The following ESR1 variants were observed in gnomAD, a reference collection of about 807,000 sequenced individuals.
ESR1 encodes estrogen receptor.
A neutral mutation model predicts 52.7 loss-of-function variants in ESR1; 12 were observed. The observed-to-expected ratio is 0.23, with a 90% CI of 0.15 to 0.37. The LOEUF is 0.37. Ranked by LOEUF, ESR1 falls within the 10% of genes least tolerant of loss-of-function variation. ESR1 has a pLI of 1.00. For missense variants in ESR1, 584 were observed against 779.7 expected, an observed-to-expected ratio of 0.75 and a Z score of 2.99; for synonymous variants, 305 against 316.8, an observed-to-expected ratio of 0.96 and a Z score of 0.39.
chr6:151,737,434 T>A (rs1426011484), intron 2 of ESR1, among the ~76,000 whole-genome samples: 2 of 152,214 alleles, frequency 1.3e-5, no homozygotes, highest in East Asian at 3.8e-4. Flanking sequence ...TCTGGCTTAT[T>A]TTTCTTTCTA....
At chr6:151,691,679 GT>G (rs1301291090) in intron 1 of ESR1, among the ~76,000 whole-genome samples, 2 of 146,048 alleles carry the variant, frequency 1.4e-5, no homozygotes, top group Non-Finnish European at 3.0e-5. Context: ...GGTTTTGAAT[GT>G]GGTATATACA....
upstream of ESR1, among the ~76,000 whole-genome samples, chr6:151,800,132 G>C (rs1339043380): frequency 1.3e-5 from 2 of 152,164 alleles, no homozygotes; most frequent in African/African-American, 2.4e-5. Flanking sequence ...AGGAAAGAGA[G>C]GTTGGTTGGA....
At chr6:151,727,292 C>G (rs1224265865) in intron 2 of ESR1, among the ~76,000 whole-genome samples, 1 of 151,872 alleles carries the variant, frequency 6.6e-6, no homozygotes, top group Non-Finnish European at 1.5e-5. Flanking sequence ...ACCTTCACCT[C>G]CTGGGTCCAA....
intron 5 of ESR1, among the ~76,000 whole-genome samples, chr6:152,031,542 A>G (rs1297338322): frequency 3.3e-5 from 5 of 152,246 alleles, no homozygotes; most frequent in African/African-American, 1.2e-4. Flanking sequence ...CATCTAGAAG[A>G]AATGGATAAA....
chr6:152,046,593 G>A (rs2128913399), intron 5 of ESR1, among the ~76,000 whole-genome samples: 1 of 152,222 alleles, frequency 6.6e-6, no homozygotes, highest in East Asian at 1.9e-4. Context: ...GTGAACTCAA[G>A]GCAAAGATTG....
intron 1 of ESR1, among the ~76,000 whole-genome samples, chr6:151,810,361 G>C (rs190944147): frequency 6.6e-6 from 1 of 151,962 alleles, no homozygotes; most frequent in African/African-American, 2.4e-5. Context: ...TTTATTTCCC[G>C]GATTATCTTT....
intron 6 of ESR1, among the ~76,000 whole-genome samples, chr6:152,085,703 CA>C (rs767026514): frequency 4.6e-4 from 65 of 141,462 alleles, no homozygotes; most frequent in East Asian, 4.5e-3. Context: ...TCCCAGCTGA[CA>C]AAAAAAAAAA....
rs78428096 is a variant in ESR1 at position 151,862,900 on chromosome 6, C to A, written c.644-17755C>A. ...AGAAAAGAAGATTGTAGATGCCAGGCTGGTGTCGGCTTGAAATTTTTAAAG... is the reference window on the plus strand; with the variant it reads ...AGAAAAGAAGATTGTAGATGCCAGGATGGTGTCGGCTTGAAATTTTTAAAG... On this transcript the variant is annotated intron_variant, in intron 2 of 7. Coordinates refer to ENST00000206249, the MANE Select transcript of ESR1 (RefSeq NM_000125.4). Among the ~76,000 whole-genome samples, 483 of 152,064 alleles carry A rather than the reference C, an allele frequency of 3.2e-3. 5 individuals are homozygous for A. The highest frequency in any genetic ancestry group is 0.025 in the East Asian group (131 of 5,176).
chr6:151,761,356 AT>A (rs756476808), intron 2 of ESR1, among the ~76,000 whole-genome samples: 2 of 152,180 alleles, frequency 1.3e-5, no homozygotes, highest in Non-Finnish European at 2.9e-5. Context: ...AGAAATGAAG[AT>A]TTAGGCCTAT....
intron 4 of ESR1, among the ~76,000 whole-genome samples, chr6:151,988,502 G>A (rs1026210880): frequency 6.6e-6 from 1 of 152,068 alleles, no homozygotes; most frequent in Non-Finnish European, 1.5e-5. Flanking sequence ...ACCAGGGTTG[G>A]GGACCCCTGC....
At chr6:151,874,239 C>G (rs1404878854) in intron 2 of ESR1, among the ~76,000 whole-genome samples, 1 of 152,176 alleles carries the variant, frequency 6.6e-6, no homozygotes, top group African/African-American at 2.4e-5. Flanking sequence ...GCCTTTTAAT[C>G]TAACCTTATG....
At chr6:151,816,336 C>T (rs547323372) in intron 1 of ESR1, among the ~76,000 whole-genome samples, 1 of 152,294 alleles carries the variant, frequency 6.6e-6, no homozygotes, top group East Asian at 1.9e-4. Flanking sequence ...AGCTATATTT[C>T]TATTCTGGCG....
intron 1 of ESR1, among the ~76,000 whole-genome samples, chr6:151,822,073 A>C (rs1562442609): frequency 6.6e-6 from 1 of 152,228 alleles, no homozygotes; most frequent in Non-Finnish European, 1.5e-5. Flanking sequence ...ACTAAACAAA[A>C]CTATAGCATT....
intron 4 of ESR1, among the ~76,000 whole-genome samples, chr6:151,982,066 T>A (rs1291315914): frequency 6.6e-6 from 1 of 152,278 alleles, no homozygotes; most frequent in Non-Finnish European, 1.5e-5. Flanking sequence ...TCATTCACTC[T>A]GTTTAATTCA....
At position 151,858,598 on chromosome 6, in the gene ESR1, T is replaced by TAAAAAAA. The variant is rs973165694; in HGVS notation, c.643+15814_643+15815insAAAAAAA. 4.8e-4 allele frequency among the ~76,000 whole-genome samples: 72 copies of TAAAAAAA among 149,060 alleles called. 1 individual carries two copies. In the East Asian group the frequency reaches 0.013, roughly 27 times the overall value. ...CCGTTCCTGTTTTTTTTTTTTTTTT[T>TAAAAAAA]AAAGCATTTTATCTGTGAATTAAAA... is the stretch of plus-strand genomic sequence containing the variant. On this transcript the variant is annotated intron_variant, in intron 2 of 7. Transcript: ENST00000206249.
intron 1 of ESR1, among the ~76,000 whole-genome samples, chr6:151,669,964 C>T (rs117569440): frequency 1.3e-4 from 20 of 152,174 alleles, no homozygotes; most frequent in African/African-American, 4.6e-4. Context: ...GACAAAAGTA[C>T]GGGAGTAAGT....
intron 3 of ESR1, among the ~76,000 whole-genome samples, chr6:151,916,623 G>A (rs2030274482): frequency 6.6e-6 from 1 of 152,076 alleles, no homozygotes; most frequent in Non-Finnish European, 1.5e-5. Flanking sequence ...AAAACTTTGT[G>A]ATGATTCAGG....
intron 2 of ESR1, among the ~76,000 whole-genome samples, chr6:151,702,627 A>T (rs1269944011): frequency 6.6e-6 from 1 of 152,356 alleles, no homozygotes; most frequent in Middle Eastern, 3.4e-3. Context: ...GAATTTAATT[A>T]TTCAAAACAA....
intron 1 of ESR1, among the ~76,000 whole-genome samples, chr6:151,669,889 G>A (rs1777987511): frequency 6.6e-6 from 1 of 152,132 alleles, no homozygotes; most frequent in Admixed American, 6.5e-5. Flanking sequence ...TTGGGGAGAA[G>A]GACACATGGG....
Sources: gnomAD v4.1 joint callset for allele counts (sites outside exome capture counted in the v4.1 genomes callset) on GRCh38, gnomAD v4.1.1 for gene constraint, MANE v1.5 for transcripts, NCBI Gene and HGNC (gene_info 2026-07-23, HGNC 2026-07-21) for gene names.